The following NRG1 variants were observed in gnomAD, a reference collection of about 807,000 sequenced individuals.
NRG1 encodes the protein neuregulin 1.
Under a neutral mutation model 63.8 loss-of-function variants are expected in NRG1, and 18 were observed. The ratio of observed to expected loss-of-function variants is 0.28; its 90% CI spans 0.19 to 0.42. The LOEUF (loss-of-function observed/expected upper bound fraction) is 0.42. Ranked by LOEUF, NRG1 falls within the 10% of genes least tolerant of loss-of-function variation. NRG1 has a pLI of 1.00. For missense variants in NRG1, 762 were observed against 814.7 expected (o/e 0.94, Z 0.79); for synonymous variants, 302 against 301.3 (o/e 1.00, Z -0.02).
At chr8:32,747,850 A>G in intron 7 of NRG1, among the ~76,000 whole-genome samples, 1 of 151,480 alleles carries the variant, frequency 6.6e-6, no homozygotes, top group Non-Finnish European at 1.5e-5. Context: ...TTTTCTGGCT[A>G]GTTAACGAGA....
At chr8:32,724,455 G>A (rs1315407179) in intron 5 of NRG1, among the ~76,000 whole-genome samples, 2 of 152,096 alleles carry the variant, frequency 1.3e-5, no homozygotes, top group African/African-American at 4.8e-5. Flanking sequence ...GACCGGCTTT[G>A]TCGGTTTCAT....
intron 1 of NRG1, among the ~76,000 whole-genome samples, chr8:31,720,485 C>T (rs1051607252): frequency 6.6e-6 from 1 of 152,148 alleles, no homozygotes; most frequent in African/African-American, 2.4e-5. Context: ...TCCCACCCCT[C>T]AACAGTGTGT....
At chr8:32,169,648 T>G (rs1390679195) in intron 1 of NRG1, among the ~76,000 whole-genome samples, 2 of 152,176 alleles carry the variant, frequency 1.3e-5, no homozygotes, top group Non-Finnish European at 2.9e-5. Flanking sequence ...TAACCTTCAT[T>G]TAATTCTAAC....
intron 5 of NRG1, among the ~76,000 whole-genome samples, chr8:32,689,708 C>A (rs926902620): frequency 5.9e-5 from 9 of 151,922 alleles, no homozygotes; most frequent in African/African-American, 1.9e-4. Flanking sequence ...TATACATATA[C>A]ATATTTATAC....
At position 32,337,958 on chromosome 8, in the gene NRG1, T is replaced by C. The variant is rs114203233; in HGVS notation, c.38-257870T>C. ...TAGAGTCTTGTCTCCTGGATCTCAGTATTATACTTTAATTATTTCTTTTTT... is the reference window on the plus strand; with the variant it reads ...TAGAGTCTTGTCTCCTGGATCTCAGCATTATACTTTAATTATTTCTTTTTT... On this transcript the variant is annotated intron_variant, in intron 1 of 10. Transcript: ENST00000519301. Among the ~76,000 whole-genome samples the C allele has an allele frequency of 2.7e-3, 415 of 152,294 alleles. 3 individuals are homozygous for C. Among genetic ancestry groups the C allele is most frequent in the African/African-American group, 9.7e-3 (404 of 41,574 alleles).
intron 1 of NRG1, among the ~76,000 whole-genome samples, chr8:31,855,804 C>G (rs939959523): frequency 2.0e-5 from 3 of 152,010 alleles, no homozygotes; most frequent in Non-Finnish European, 1.5e-5. Context: ...TTAGGGCAGG[C>G]CTGGTGGTGA....
At chr8:32,150,150 T>C (rs1837343053) in intron 1 of NRG1, among the ~76,000 whole-genome samples, 1 of 152,078 alleles carries the variant, frequency 6.6e-6, no homozygotes, top group African/African-American at 2.4e-5. Flanking sequence ...CTACGTAGCA[T>C]TTACAAACTG....
At chr8:31,732,606 A>G (rs2131360607) in intron 1 of NRG1, among the ~76,000 whole-genome samples, 2 of 152,246 alleles carry the variant, frequency 1.3e-5, no homozygotes, top group Non-Finnish European at 1.5e-5. Flanking sequence ...AATAACATAT[A>G]TTGGCCAGAG....
intron 1 of NRG1, among the ~76,000 whole-genome samples, chr8:32,474,366 C>G (rs984176270): frequency 6.6e-6 from 1 of 152,116 alleles, no homozygotes; most frequent in Non-Finnish European, 1.5e-5. Context: ...GTGATAGTCT[C>G]ACAGCACACT....
intron 1 of NRG1, among the ~76,000 whole-genome samples, chr8:31,881,163 T>C (rs1037082022): frequency 6.6e-6 from 1 of 152,220 alleles, no homozygotes; most frequent in African/African-American, 2.4e-5. Context: ...TTGTGTTTTT[T>C]ACAAATTGAA....
intron 1 of NRG1, among the ~76,000 whole-genome samples, chr8:32,223,310 CTTTAGAG>C (rs1031307542): frequency 1.3e-5 from 2 of 152,136 alleles, no homozygotes; most frequent in Admixed American, 6.6e-5. Context: ...TATAAAATAA[CTTTAGAG>C]TTCTATTTCA....
intron 1 of NRG1, among the ~76,000 whole-genome samples, chr8:32,573,823 C>T (rs1041592683): frequency 1.3e-5 from 2 of 151,990 alleles, no homozygotes; most frequent in African/African-American, 2.4e-5. Context: ...CCACAACAGT[C>T]CCCGGTATGT....
chr8:32,312,919 A>G (rs1856987126), intron 1 of NRG1, among the ~76,000 whole-genome samples: 1 of 152,132 alleles, frequency 6.6e-6, no homozygotes, highest in African/African-American at 2.4e-5. Flanking sequence ...TCTGGGAGGC[A>G]GAGGTGGGCA....
At chr8:31,953,500 A>C (rs1223110168) in intron 1 of NRG1, among the ~76,000 whole-genome samples, 1 of 152,192 alleles carries the variant, frequency 6.6e-6, no homozygotes, top group African/African-American at 2.4e-5. Flanking sequence ...CTGACTTATC[A>C]AAATGTAGAC....
chr8:32,630,777 T>C (rs1850141501), intron 5 of NRG1, among the ~76,000 whole-genome samples: 1 of 151,980 alleles, frequency 6.6e-6, no homozygotes, highest in African/African-American at 2.4e-5. Flanking sequence ...CCTGCTGTTG[T>C]TAACATTTAA....
intron 1 of NRG1, among the ~76,000 whole-genome samples, chr8:31,727,590 A>G (rs13252821): frequency 0.28 from 42,846 of 152,022 alleles, 7,140 homozygotes; most frequent in Non-Finnish European, 0.36. Context: ...AGATACTGAT[A>G]CCCTGTCTCA....
chr8:31,971,642 T>C (rs962732917), intron 1 of NRG1, among the ~76,000 whole-genome samples: 2 of 152,158 alleles, frequency 1.3e-5, no homozygotes, highest in Non-Finnish European at 2.9e-5. Flanking sequence ...GACTTTATTA[T>C]CTTATCATTG....
At chr8:32,095,481 G>T (rs567017843) in intron 1 of NRG1, among the ~76,000 whole-genome samples, 1 of 152,262 alleles carries the variant, frequency 6.6e-6, no homozygotes, top group African/African-American at 2.4e-5. Flanking sequence ...AATGATTTTG[G>T]CAAGAAGCAC....
intron 1 of NRG1, among the ~76,000 whole-genome samples, chr8:32,094,465 T>A (rs1275014027): frequency 6.6e-6 from 1 of 152,214 alleles, no homozygotes; most frequent in African/African-American, 2.4e-5. Flanking sequence ...AAGTTATCAC[T>A]TGAAATGATA....
Sources: allele counts gnomAD v4.1 joint callset (sites outside exome capture counted in the v4.1 genomes callset), GRCh38; gene constraint gnomAD v4.1.1; transcripts MANE v1.5; gene names NCBI Gene and HGNC (gene_info 2026-07-23, HGNC 2026-07-21).